EYA1: variants seen among roughly 807,000 people sequenced by gnomAD.
EYA1 encodes EYA transcriptional coactivator and phosphatase 1.
EYA1 carries 16 observed loss-of-function variants against 82.0 expected under a neutral mutation model. The observed-to-expected ratio is 0.20, with a 90% CI of 0.13 to 0.30. The LOEUF (loss-of-function observed/expected upper bound fraction) is 0.30, where lower values mean the gene tolerates loss of function less well. Ranked by LOEUF, EYA1 falls within the 10% of genes least tolerant of loss-of-function variation. The pLI, the probability that EYA1 is intolerant of heterozygous loss-of-function variation, is 1.00. For synonymous variants in EYA1, 261 were observed against 264.4 expected (o/e 0.99, Z 0.12); for missense variants, 633 against 730.7 (o/e 0.87, Z 1.54).
At position 71,356,536 on chromosome 8, in the gene EYA1, G is replaced by T. The variant is rs1826899425; in HGVS notation, c.-54-25C>A. ...CCTGTGATCAGGGGTAAAAAAATTA[G>T]AAGATGTTGTTACTCTGCTTCAGTG... On this transcript the variant is annotated intron_variant, in intron 1 of 17. Coordinates refer to ENST00000340726, the MANE Select transcript of EYA1 (RefSeq NM_000503.6). 1.9e-6 allele frequency: 3 copies of T among 1,556,232 alleles called. No individual in the cohort carries two copies. The Admixed American group carries it at 5.8e-5, about 30-fold the overall frequency.
chr8:71,449,003 T>C (rs1807132311), intron 2 of EYA1: 1 of 167,712 alleles, frequency 6.0e-6, no homozygotes, highest in Non-Finnish European at 1.4e-5. Context: ...TGCCCTGGAG[T>C]TACGAATGCC....
At chr8:71,312,312 T>C (rs941708465) in intron 7 of EYA1, among the ~76,000 whole-genome samples, 2 of 152,238 alleles carry the variant, frequency 1.3e-5, no homozygotes, top group African/African-American at 4.8e-5. Context: ...TTTAGGTGTA[T>C]GTACAACAAC....
At chr8:71,238,609 C>T (rs1247150154) in intron 12 of EYA1, among the ~76,000 whole-genome samples, 3 of 151,958 alleles carry the variant, frequency 2.0e-5, no homozygotes, top group South Asian at 2.1e-4. Flanking sequence ...GTAACTACCG[C>T]TATTTTAAAT....
intron 12 of EYA1, among the ~76,000 whole-genome samples, chr8:71,238,342 T>G (rs1239935624): frequency 6.6e-6 from 1 of 152,166 alleles, no homozygotes; most frequent in East Asian, 1.9e-4. Flanking sequence ...ATTTTAATAA[T>G]TGGTTCAGTC....
chr8:71,423,160 G>A lies in EYA1; in HGVS notation c.34-66649C>T, dbSNP rs568981003. Among the ~76,000 whole-genome samples, 31 of 152,184 alleles carry A rather than the reference G, an allele frequency of 2.0e-4. 1 individual carries two copies. In the South Asian group the frequency reaches 6.2e-3, roughly 31 times the overall value. The stretch of plus-strand genomic sequence containing the variant: ...TATGTTTTCAAATTGTTGTTATTGG[G>A]TATGGGGGTGTCTTTGCTATCATTC... On this transcript the variant is annotated intron_variant, in intron 2 of 18. Coordinates refer to the EYA1 transcript ENST00000643681.
chr8:71,537,639 A>G (rs1198314818), intron 1 of EYA1, among the ~76,000 whole-genome samples: 1 of 152,220 alleles, frequency 6.6e-6, no homozygotes, highest in African/African-American at 2.4e-5. Flanking sequence ...CATTCCTCAC[A>G]GAAGGGAGCA....
At chr8:71,334,541 G>A (rs1230283574) in intron 3 of EYA1, among the ~76,000 whole-genome samples, 1 of 152,106 alleles carries the variant, frequency 6.6e-6, no homozygotes, top group African/African-American at 2.4e-5. Flanking sequence ...TTTGGTCAGA[G>A]TCAAAAGGAT....
intron 1 of EYA1, chr8:71,356,883 G>T: frequency 4.9e-6 from 1 of 205,610 alleles, no homozygotes; most frequent in Non-Finnish European, 8.5e-6. Flanking sequence ...AAATGATCGT[G>T]TTTAACAGCA....
intron 2 of EYA1, among the ~76,000 whole-genome samples, chr8:71,501,891 G>A (rs1811837939): frequency 6.6e-6 from 1 of 152,194 alleles, no homozygotes; most frequent in Admixed American, 6.5e-5. Context: ...ATATTGTGGT[G>A]TGTGCAACTA....
intron 2 of EYA1, among the ~76,000 whole-genome samples, chr8:71,464,106 C>G (rs1808608079): frequency 6.6e-6 from 1 of 152,164 alleles, no homozygotes; most frequent in South Asian, 2.1e-4. Context: ...TAATCTTCCT[C>G]CAGGTAGTAC....
At chr8:71,247,385 T>C (rs1213445952) in intron 11 of EYA1, among the ~76,000 whole-genome samples, 1 of 152,140 alleles carries the variant, frequency 6.6e-6, no homozygotes, top group African/African-American at 2.4e-5. Context: ...GGACATAGTA[T>C]TGCCAAACGT....
At chr8:71,333,363 C>A (rs1824112919) in intron 4 of EYA1, among the ~76,000 whole-genome samples, 2 of 152,022 alleles carry the variant, frequency 1.3e-5, no homozygotes, top group Non-Finnish European at 2.9e-5. Context: ...GGAATTATAG[C>A]ATTTCCAATA....
intron 12 of EYA1, among the ~76,000 whole-genome samples, chr8:71,224,975 T>C (rs1459011681): frequency 6.6e-6 from 1 of 152,194 alleles, no homozygotes; most frequent in African/African-American, 2.4e-5. Flanking sequence ...TGGAACAGAT[T>C]TGAAGAAACT....
chr8:71,533,666 C>A (rs892180421), intron 2 of EYA1, among the ~76,000 whole-genome samples: 3 of 152,188 alleles, frequency 2.0e-5, no homozygotes, highest in Non-Finnish European at 4.4e-5. Context: ...CTCTCTCCCC[C>A]ACTTCCTAAA....
At chr8:71,337,583 T>C (rs371322212) in intron 3 of EYA1, among the ~76,000 whole-genome samples, 25 of 152,316 alleles carry the variant, frequency 1.6e-4, no homozygotes, top group African/African-American at 5.8e-4. Flanking sequence ...TCCAGTTACC[T>C]ACTATAAGAC....
Position 71,328,849 on chromosome 8 carries a change from C to A in EYA1, c.202+5248G>T, listed in dbSNP as rs561826596. ...CTCAACCCTGGCCTTCCACTTCAGT[C>A]ATCAAGCTCAAGACCACATCCTGGC... On this transcript the variant is annotated intron_variant, in intron 4 of 17. Coordinates refer to ENST00000340726, the MANE Select transcript of EYA1 (RefSeq NM_000503.6). 4.6e-5 allele frequency among the ~76,000 whole-genome samples: 7 copies of A among 152,310 alleles called. No individual in the cohort carries two copies. In the South Asian group the frequency reaches 1.4e-3, roughly 32 times the overall value.
intron 2 of EYA1, among the ~76,000 whole-genome samples, chr8:71,487,641 A>G (rs1477461947): frequency 1.3e-5 from 2 of 152,234 alleles, no homozygotes; most frequent in Admixed American, 6.5e-5. Context: ...GAAAATATAA[A>G]CAATTCAATT....
At chr8:71,336,701 T>C (rs1824526548) in intron 3 of EYA1, among the ~76,000 whole-genome samples, 2 of 152,306 alleles carry the variant, frequency 1.3e-5, no homozygotes, top group African/African-American at 4.8e-5. Context: ...CCAATAACAC[T>C]GCTTTTCACC....
At chr8:71,210,966 T>C (rs1278165955) in intron 17 of EYA1, among the ~76,000 whole-genome samples, 190 bp downstream of exon 17, 1 of 152,246 alleles carries the variant, frequency 6.6e-6, no homozygotes, top group Non-Finnish European at 1.5e-5. Context: ...GCCCTTGAGT[T>C]TGTGCACACT....
Sources: allele counts gnomAD v4.1 joint callset (sites outside exome capture counted in the v4.1 genomes callset), GRCh38; gene constraint gnomAD v4.1.1; transcripts MANE v1.5; gene names NCBI Gene and HGNC (gene_info 2026-07-23, HGNC 2026-07-21).